SLCO3A1: variants seen among roughly 807,000 people sequenced by gnomAD.
SLCO3A1 encodes the protein solute carrier organic anion transporter family member 3A1.
Under a neutral mutation model 63.1 loss-of-function variants are expected in SLCO3A1, and 27 were observed. The ratio of observed to expected loss-of-function variants is 0.43; its 90% CI spans 0.32 to 0.59. The LOEUF (loss-of-function observed/expected upper bound fraction) is 0.59. Ranked by LOEUF, SLCO3A1 falls within the 20% of genes least tolerant of loss-of-function variation. The pLI, the probability that SLCO3A1 is intolerant of heterozygous loss-of-function variation, is 0.09. For missense variants in SLCO3A1, 773 were observed against 945.8 expected, an observed-to-expected ratio of 0.82 and a Z score of 2.40; for synonymous variants, 473 against 409.9, an observed-to-expected ratio of 1.15 and a Z score of -1.86.
At chr15:91,920,066 T>A (rs1898792791) in intron 2 of SLCO3A1, among the ~76,000 whole-genome samples, 1 of 152,222 alleles carries the variant, frequency 6.6e-6, no homozygotes, top group Non-Finnish European at 1.5e-5. Flanking sequence ...CTTCTGAATA[T>A]ATACGACAAT....
At chr15:91,928,730 C>T (rs1899120110) in intron 2 of SLCO3A1, among the ~76,000 whole-genome samples, 1 of 152,180 alleles carries the variant, frequency 6.6e-6, no homozygotes. Context: ...GGGCCTAGTT[C>T]TGTGGGAATT....
intron 3 of SLCO3A1, among the ~76,000 whole-genome samples, chr15:92,102,891 C>T (rs2047623534): frequency 6.6e-6 from 1 of 152,238 alleles, no homozygotes. Flanking sequence ...TTCCGTTCTT[C>T]AGCCCCATGA....
chr15:91,913,487 C>G (rs569886406), intron 1 of SLCO3A1, among the ~76,000 whole-genome samples: 1 of 152,206 alleles, frequency 6.6e-6, no homozygotes, highest in Admixed American at 6.5e-5. Context: ...TAGTGCTCCC[C>G]GAGTGCCTCC....
Position 91,960,812 on chromosome 15 carries a change from A to G in SLCO3A1, c.646+44354A>G, listed in dbSNP as rs534556936. On this transcript the variant is annotated intron_variant, in intron 2 of 9. Transcript: ENST00000318445. ...TTGAATATTTGCATTATATATAGTC[A>G]CTTACAAGTTGAGCACCCCAAATCC... Among the ~76,000 whole-genome samples, 32 of 152,270 alleles carry G rather than the reference A, an allele frequency of 2.1e-4. No homozygotes were observed. In the South Asian group the frequency reaches 6.6e-3, roughly 32 times the overall value.
chr15:92,079,197 A>G (rs2047313665), intron 2 of SLCO3A1, among the ~76,000 whole-genome samples: 1 of 152,074 alleles, frequency 6.6e-6, no homozygotes, highest in Admixed American at 6.6e-5. Flanking sequence ...TTCACGTTGG[A>G]TGGCCCACCA....
chr15:92,122,321 G>A (rs1425592382), intron 5 of SLCO3A1, among the ~76,000 whole-genome samples: 2 of 152,216 alleles, frequency 1.3e-5, no homozygotes, highest in Non-Finnish European at 2.9e-5. Context: ...GTAGGAGTCA[G>A]ATTGTCTGCT....
Position 91,954,046 on chromosome 15 carries a change from A to G in SLCO3A1, c.646+37588A>G, listed in dbSNP as rs975952374. On this transcript the variant is annotated intron_variant, in intron 2 of 9. Transcript: ENST00000318445. The surrounding 1 kb of genome is among the most constrained non-coding windows in gnomAD (Gnocchi z 4.7). ...TGTATTAGAAATTAAAACTGAGGAT[A>G]CACAGGTGTGTGTTCTGTTAGCCAT... Among the ~76,000 whole-genome samples, 3 of 152,190 alleles carry G rather than the reference A, an allele frequency of 2.0e-5. No individual in the cohort carries two copies. The highest frequency in any genetic ancestry group is 7.2e-5 in the African/African-American group (3 of 41,438).
chr15:91,887,068 A>G (rs1427428945), intron 1 of SLCO3A1, among the ~76,000 whole-genome samples: 2 of 152,184 alleles, frequency 1.3e-5, no homozygotes, highest in Admixed American at 6.5e-5. Context: ...GGGAGGGCAC[A>G]GGGGACTGAC....
intron 2 of SLCO3A1, among the ~76,000 whole-genome samples, chr15:91,976,607 G>A (rs1312736496): frequency 1.3e-5 from 2 of 152,244 alleles, no homozygotes; most frequent in African/African-American, 4.8e-5. Context: ...AGATATCGGG[G>A]AATCTGCCCC....
At chr15:92,091,635 C>G (rs2047478244) in intron 2 of SLCO3A1, among the ~76,000 whole-genome samples, 3 of 152,158 alleles carry the variant, frequency 2.0e-5, no homozygotes. Flanking sequence ...CTCCCACGTC[C>G]CACCACCGGA....
At chr15:92,064,693 C>CA (rs571570393) in intron 2 of SLCO3A1, among the ~76,000 whole-genome samples, 253 of 151,824 alleles carry the variant, frequency 1.7e-3, no homozygotes, top group Non-Finnish European at 3.2e-3. Context: ...ATTATTCAGC[C>CA]AAAAAAAGGA....
intron 2 of SLCO3A1, among the ~76,000 whole-genome samples, chr15:92,074,651 C>G (rs2047255242): frequency 6.6e-6 from 1 of 152,170 alleles, no homozygotes; most frequent in Non-Finnish European, 1.5e-5. Context: ...TCAGATTTCT[C>G]TAGAGGAACA....
At chr15:91,869,665 C>T (rs2151332676) in intron 1 of SLCO3A1, among the ~76,000 whole-genome samples, 1 of 152,168 alleles carries the variant, frequency 6.6e-6, no homozygotes, top group African/African-American at 2.4e-5. Flanking sequence ...TGCCACTGCA[C>T]TCCAGCCTGA....
At chr15:91,908,273 A>T (rs947326316) in intron 1 of SLCO3A1, among the ~76,000 whole-genome samples, 3 of 144,054 alleles carry the variant, frequency 2.1e-5, no homozygotes, top group African/African-American at 7.6e-5. Flanking sequence ...GTCTGTGTCT[A>T]TGAGATTCTC....
chr15:92,001,475 C>T (rs2046254071), intron 2 of SLCO3A1, among the ~76,000 whole-genome samples: 1 of 152,172 alleles, frequency 6.6e-6, no homozygotes. Context: ...TGCCTCCTGC[C>T]CCAGCCTCCT....
intron 2 of SLCO3A1, among the ~76,000 whole-genome samples, chr15:92,069,810 G>A (rs537431442): frequency 6.6e-6 from 1 of 152,288 alleles, no homozygotes; most frequent in South Asian, 2.1e-4. Context: ...AGCCCTCCCC[G>A]GGAGCTGTGG....
At chr15:92,122,229 G>C (rs117746202) in intron 5 of SLCO3A1, among the ~76,000 whole-genome samples, 52 of 152,286 alleles carry the variant, frequency 3.4e-4, no homozygotes, top group Non-Finnish European at 7.2e-4. Context: ...GGAGGGACAC[G>C]TGATGGAAGC....
intron 1 of SLCO3A1, among the ~76,000 whole-genome samples, chr15:91,903,780 G>A (rs1208115038): frequency 6.6e-6 from 1 of 152,200 alleles, no homozygotes; most frequent in African/African-American, 2.4e-5. Context: ...TGTGAAATCT[G>A]CTTACATGGG....
chr15:92,033,835 C>T lies in SLCO3A1; in HGVS notation c.647-61046C>T, dbSNP rs1327384256. Among the ~76,000 whole-genome samples the T allele has an allele frequency of 1.3e-5, 2 of 151,998 alleles. No individual in the cohort carries two copies. Among genetic ancestry groups the T allele is most frequent in the South Asian group, 2.1e-4 (1 of 4,824 alleles). ...GACATCAAGGGAGTGAGGGACAAGC[C>T]GGGAGGTTATCTGGAGGAAAAACAT... On this transcript the variant is annotated intron_variant, in intron 2 of 9. Transcript: ENST00000318445. The surrounding 1 kb of genome is among the most constrained non-coding windows in gnomAD (Gnocchi z 4.5).
Sources: gnomAD v4.1 joint callset for allele counts (sites outside exome capture counted in the v4.1 genomes callset) on GRCh38, gnomAD v4.1.1 for gene constraint, Gnocchi (gnomAD v3.1) non-coding constraint, MANE v1.5 for transcripts, NCBI Gene and HGNC (gene_info 2026-07-23, HGNC 2026-07-21) for gene names.